RASGRF1: variants seen among roughly 807,000 people sequenced by gnomAD.
The protein encoded by RASGRF1 is Ras protein specific guanine nucleotide releasing factor 1, also known as ras-specific guanine nucleotide-releasing factor 1.
Under a neutral mutation model 138.7 loss-of-function variants are expected in RASGRF1, and 40 were observed. The ratio of observed to expected loss-of-function variants is 0.29; its 90% CI spans 0.22 to 0.38. RASGRF1 has a LOEUF of 0.38. Among genes scored for constraint, RASGRF1 ranks in the 10% least tolerant of loss-of-function variants. The pLI is 1.00. For synonymous variants in RASGRF1, 614 were observed against 663.2 expected (o/e 0.93, Z 1.14); for missense variants, 1,108 against 1,650.4 (o/e 0.67, Z 5.69).
chr15:78,971,974 T>G lies in RASGRF1; in HGVS notation c.3613-40A>C, dbSNP rs1251349950. 2.0e-6 allele frequency: 3 copies of G among 1,514,988 alleles called. No individual in the cohort carries two copies. In the Admixed American group the frequency reaches 5.0e-5, roughly 25 times the overall value. The allele number at this position is 1,514,988 out of a possible 1,614,324, so 93.8% of individuals were successfully genotyped here. On this transcript the variant is annotated intron_variant, in intron 25 of 26. Transcript: ENST00000558480. ...GAGTGTTTCAGAATGCAGTTTGCTC[T>G]CCTAGTTCCACCCCCAACTTTGCAG...
intron 2 of RASGRF1, among the ~76,000 whole-genome samples, chr15:79,060,011 C>T (rs933993416): frequency 8.5e-5 from 9 of 105,536 alleles, no homozygotes; most frequent in Non-Finnish European, 1.2e-4. Flanking sequence ...CACACACACA[C>T]ACACACACAC....
chr15:78,987,145 T>A (rs546445572), intron 22 of RASGRF1, among the ~76,000 whole-genome samples: 5 of 152,254 alleles, frequency 3.3e-5, no homozygotes, highest in African/African-American at 1.2e-4. Flanking sequence ...CATGACCACA[T>A]TGGGTTTGTC....
chr15:79,083,527 G>A lies in RASGRF1; in HGVS notation c.276+6696C>T, dbSNP rs2057941390. Among the ~76,000 whole-genome samples the A allele has an allele frequency of 2.0e-5, 3 of 152,202 alleles. 1 individual carries two copies. The South Asian group carries it at 6.2e-4, about 31-fold the overall frequency. On this transcript the variant is annotated intron_variant, in intron 1 of 26. Coordinates refer to ENST00000558480, the MANE Select transcript of RASGRF1 (RefSeq NM_001145648.3). ...TCAGAGTTGCGAGGTTCCCACCCAA[G>A]CAGAAACAAAAGCCGCCTTCACAAA...
chr15:79,047,408 G>C (rs915775697), intron 4 of RASGRF1, among the ~76,000 whole-genome samples: 40 of 152,324 alleles, frequency 2.6e-4, no homozygotes, highest in Middle Eastern at 3.4e-3. Context: ...TCTCCATAAT[G>C]GGAGGTCGCC....
chr15:79,033,324 C>A (rs2057168557), intron 6 of RASGRF1, among the ~76,000 whole-genome samples: 1 of 151,290 alleles, frequency 6.6e-6, no homozygotes, highest in Non-Finnish European at 1.5e-5. Context: ...CTCACTGTAA[C>A]CTCTGCCTCC....
intron 11 of RASGRF1, among the ~76,000 whole-genome samples, chr15:79,018,582 T>C (rs1595907900): frequency 6.6e-6 from 1 of 152,242 alleles, no homozygotes; most frequent in African/African-American, 2.4e-5. Flanking sequence ...CAAAGCTCTA[T>C]GGCTGTGTGA....
chr15:79,041,461 T>C (rs1233448414), intron 5 of RASGRF1, among the ~76,000 whole-genome samples: 1 of 152,162 alleles, frequency 6.6e-6, no homozygotes, highest in Admixed American at 6.5e-5. Context: ...GTGTGATGCA[T>C]GCAACAAAGA....
At chr15:78,995,586 G>C (rs2056374374) in intron 20 of RASGRF1, among the ~76,000 whole-genome samples, 154 bp downstream of exon 20, 1 of 152,224 alleles carries the variant, frequency 6.6e-6, no homozygotes, top group Admixed American at 6.5e-5. Context: ...ACTGCGCTCA[G>C]CCCATTCCTG....
intron 1 of RASGRF1, among the ~76,000 whole-genome samples, chr15:79,070,079 T>C (rs960690239): frequency 2.0e-5 from 3 of 152,074 alleles, no homozygotes; most frequent in Non-Finnish European, 2.9e-5. Context: ...TGGGGAGTAA[T>C]GTTCGGGGTG....
chr15:79,019,958 T>TA, intron 11 of RASGRF1, 83 bp downstream of exon 11: 3 of 1,540,538 alleles, frequency 1.9e-6, no homozygotes, highest in Non-Finnish European at 2.7e-6. Context: ...CCAAAGAAAC[T>TA]AATGCCTGGC....
At chr15:79,085,727 A>G (rs1231471842) in intron 1 of RASGRF1, among the ~76,000 whole-genome samples, 2 of 152,134 alleles carry the variant, frequency 1.3e-5, no homozygotes, top group African/African-American at 2.4e-5. Context: ...TCACTTGGTG[A>G]TTACTGTGGG....
intron 4 of RASGRF1, 42 bp downstream of exon 4, chr15:79,049,449 CTAAAG>C: frequency 1.9e-6 from 3 of 1,579,926 alleles, no homozygotes; most frequent in African/African-American, 2.7e-5. Context: ...GGCTGGCTCT[CTAAAG>C]AGAGAGCTCC....
At position 79,032,707 on chromosome 15, in the gene RASGRF1, A is replaced by G. The variant is rs2057159427; in HGVS notation, c.959-391T>C. Among the ~76,000 whole-genome samples the G allele has an allele frequency of 6.6e-6, 1 of 152,162 alleles. No individual in the cohort carries two copies. The highest frequency in any genetic ancestry group is 1.5e-5 in the Non-Finnish European group (1 of 68,030). On this transcript the variant is annotated intron_variant, in intron 6 of 26. Transcript: ENST00000558480. This position sits in a 1 kb window ranked among gnomAD's most constrained non-coding sequence, Gnocchi z 4.5. ...CCAGGCATTGCCCTCAGCTGGAGGA[A>G]GCTGCCTTGCCTGGTCTGTCCTCCT...
At chr15:79,003,383 C>T (rs1446133894) in intron 15 of RASGRF1, among the ~76,000 whole-genome samples, 1 of 152,236 alleles carries the variant, frequency 6.6e-6, no homozygotes, top group Non-Finnish European at 1.5e-5. Context: ...GGTCCTCAGC[C>T]AGACTGAATC....
In RASGRF1 at chr15:79,032,631, C is replaced by G. The variant is rs973719645; in HGVS notation, c.959-315G>C. Among the ~76,000 whole-genome samples, 3 of 152,144 alleles carry G rather than the reference C, an allele frequency of 2.0e-5. No homozygotes were observed. The East Asian group carries it at 5.8e-4, about 29-fold the overall frequency. On this transcript the variant is annotated intron_variant, in intron 6 of 26. Transcript: ENST00000558480. This position sits in a 1 kb window ranked among gnomAD's most constrained non-coding sequence, Gnocchi z 4.5. ...GCGCTGTGGGGTGCCACCTGGATCC[C>G]CCCAGCTGCCAGGAGTGCTGGTGGC...
At chr15:79,071,323 C>G (rs557157783) in intron 1 of RASGRF1, among the ~76,000 whole-genome samples, 1 of 152,078 alleles carries the variant, frequency 6.6e-6, no homozygotes, top group African/African-American at 2.4e-5. Context: ...CCATTTCTCT[C>G]TCTCTCCTTT....
At chr15:79,002,331 C>T (rs892987284) in intron 15 of RASGRF1, among the ~76,000 whole-genome samples, 2 of 152,152 alleles carry the variant, frequency 1.3e-5, no homozygotes, top group Admixed American at 6.5e-5. Context: ...CTGGTCCACA[C>T]ACCCTGGGGA....
At chr15:79,062,464 G>A (rs746361126) in intron 2 of RASGRF1, among the ~76,000 whole-genome samples, 4 of 152,168 alleles carry the variant, frequency 2.6e-5, no homozygotes, top group Non-Finnish European at 5.9e-5. Context: ...ACACCTTAGC[G>A]GTATTCAAGA....
At chr15:79,015,069 A>G (rs936059913) in intron 13 of RASGRF1, among the ~76,000 whole-genome samples, 2 of 152,174 alleles carry the variant, frequency 1.3e-5, no homozygotes, top group African/African-American at 4.8e-5. Context: ...TCATGTAACC[A>G]AATATCACCT....
Sources: gnomAD v4.1 joint callset for allele counts (sites outside exome capture counted in the v4.1 genomes callset) on GRCh38, gnomAD v4.1.1 for gene constraint, Gnocchi (gnomAD v3.1) non-coding constraint, MANE v1.5 for transcripts, NCBI Gene and HGNC (gene_info 2026-07-23, HGNC 2026-07-21) for gene names.